Variants in CCSER1 observed in about 807,000 individuals in gnomAD.
The protein encoded by CCSER1 is coiled-coil serine rich protein 1.
A neutral mutation model predicts 82.0 loss-of-function variants in CCSER1; 41 were observed. The observed-to-expected ratio is 0.50, with a 90% CI of 0.39 to 0.65. CCSER1 has a LOEUF of 0.65. Ranked by LOEUF, CCSER1 falls within the 30% of genes least tolerant of loss-of-function variation. CCSER1 has a pLI of 0.00. For synonymous variants in CCSER1, 414 were observed against 383.9 expected (o/e 1.08, Z -0.92); for missense variants, 1,119 against 1,064.2 (o/e 1.05, Z -0.72).
chr4:90,208,346 C>T (rs1236776362), intron 1 of CCSER1, among the ~76,000 whole-genome samples: 2 of 152,130 alleles, frequency 1.3e-5, no homozygotes, highest in Non-Finnish European at 2.9e-5. Flanking sequence ...GGCAGATGCC[C>T]CTCCCCCAAC....
At chr4:91,545,723 T>A (rs1761856812) in intron 10 of CCSER1, among the ~76,000 whole-genome samples, 2 of 152,138 alleles carry the variant, frequency 1.3e-5, no homozygotes, top group African/African-American at 4.8e-5. Context: ...ATAATCATGT[T>A]ATCTGTGAAC....
intron 7 of CCSER1, among the ~76,000 whole-genome samples, chr4:90,806,231 C>T (rs1166963260): frequency 6.6e-6 from 1 of 152,054 alleles, no homozygotes; most frequent in Admixed American, 6.6e-5. Flanking sequence ...CTTCTTATGG[C>T]ATATAATAAA....
At chr4:91,135,237 G>A (rs1286751377) in intron 10 of CCSER1, among the ~76,000 whole-genome samples, 1 of 151,986 alleles carries the variant, frequency 6.6e-6, no homozygotes, top group Non-Finnish European at 1.5e-5. Context: ...AAAACTAATT[G>A]TAAAGAAATA....
chr4:91,069,555 G>C (rs1721209013), intron 9 of CCSER1, among the ~76,000 whole-genome samples: 1 of 152,144 alleles, frequency 6.6e-6, no homozygotes, highest in African/African-American at 2.4e-5. Context: ...AGTTTTACCA[G>C]ATGGACATAC....
chr4:91,517,736 GTTCT>G (rs1395784661), intron 10 of CCSER1, among the ~76,000 whole-genome samples: 1 of 142,156 alleles, frequency 7.0e-6, no homozygotes, highest in East Asian at 2.1e-4. Flanking sequence ...GGTTCTTTCA[GTTCT>G]TTCTCGTGTG....
chr4:90,697,535 A>C (rs1205643162), intron 6 of CCSER1, among the ~76,000 whole-genome samples: 1 of 152,016 alleles, frequency 6.6e-6, no homozygotes, highest in Non-Finnish European at 1.5e-5. Flanking sequence ...TTTAAAAAAA[A>C]ACAATTCTTA....
At chr4:90,990,498 TTTATCAGACTCTGC>T (rs1311741878) in intron 9 of CCSER1, among the ~76,000 whole-genome samples, 1 of 151,970 alleles carries the variant, frequency 6.6e-6, no homozygotes. Flanking sequence ...CTCTGGCTGC[TTTATCAGACTCTGC>T]TTATCAGACT....
chr4:90,912,146 C>T (rs920289020), intron 8 of CCSER1, among the ~76,000 whole-genome samples: 18 of 152,190 alleles, frequency 1.2e-4, no homozygotes, highest in Non-Finnish European at 2.1e-4. Context: ...TCTTCCAGCA[C>T]GGAGCTTGAG....
At chr4:91,142,045 T>C (rs544505071) in intron 10 of CCSER1, among the ~76,000 whole-genome samples, 1 of 152,308 alleles carries the variant, frequency 6.6e-6, no homozygotes, top group African/African-American at 2.4e-5. Flanking sequence ...TTTCTCCAAT[T>C]CTGCAGATTG....
chr4:91,465,536 A>G (rs11931943), intron 10 of CCSER1, among the ~76,000 whole-genome samples: 102,559 of 151,880 alleles, frequency 0.68, 34,929 homozygotes, highest in East Asian at 0.89. Flanking sequence ...GACACAAAAA[A>G]CCCTTCAAAA....
intron 10 of CCSER1, among the ~76,000 whole-genome samples, chr4:91,542,422 G>A (rs914556025): frequency 6.6e-6 from 1 of 152,042 alleles, no homozygotes; most frequent in Non-Finnish European, 1.5e-5. Context: ...GTAAGGAAGG[G>A]ATCCAGTTTC....
chr4:90,832,441 A>C (rs1761239966), intron 8 of CCSER1, among the ~76,000 whole-genome samples: 1 of 152,176 alleles, frequency 6.6e-6, no homozygotes, highest in African/African-American at 2.4e-5. Flanking sequence ...TACTTCTTAA[A>C]AAACTAAAGA....
chr4:91,080,805 C>A (rs1003759318), intron 9 of CCSER1, among the ~76,000 whole-genome samples: 2 of 152,000 alleles, frequency 1.3e-5, no homozygotes. Flanking sequence ...GCAAATAAAC[C>A]AGAAAATCTA....
chr4:91,278,203 T>C (rs1008623235), intron 10 of CCSER1, among the ~76,000 whole-genome samples: 3 of 152,102 alleles, frequency 2.0e-5, no homozygotes, highest in African/African-American at 7.2e-5. Flanking sequence ...TGGTCTAAAA[T>C]GCAGTTTAAA....
At chr4:91,270,391 T>C (rs1741928613) in intron 10 of CCSER1, among the ~76,000 whole-genome samples, 1 of 152,174 alleles carries the variant, frequency 6.6e-6, no homozygotes, top group Non-Finnish European at 1.5e-5. Flanking sequence ...GAATCTCTCT[T>C]TAGTAACCAC....
At chr4:91,093,482 G>T (rs1246529407) in intron 10 of CCSER1, among the ~76,000 whole-genome samples, 3 of 152,170 alleles carry the variant, frequency 2.0e-5, no homozygotes, top group Admixed American at 6.5e-5. Context: ...GTGTCCTTTG[G>T]TATTTGTTAA....
chr4:91,303,583 C>G (rs1744827974), intron 10 of CCSER1, among the ~76,000 whole-genome samples: 1 of 151,806 alleles, frequency 6.6e-6, no homozygotes, highest in African/African-American at 2.4e-5. Flanking sequence ...TCCAGGAGTT[C>G]AAGACCGGCC....
In CCSER1 at chr4:90,434,208, C is replaced by A. The variant is rs560921097; in HGVS notation, c.1604-34026C>A. On this transcript the variant is annotated intron_variant, in intron 4 of 10. Coordinates refer to ENST00000509176, the MANE Select transcript of CCSER1 (RefSeq NM_001145065.2). ...CTTTTTCATTTATTTCTCTTCATAT[C>A]CATTTTTTCCTTTTAAGTTAAGCAA... Among the ~76,000 whole-genome samples, 340 of 152,096 alleles carry A rather than the reference C, an allele frequency of 2.2e-3. 2 individuals are homozygous for A. Among genetic ancestry groups the A allele is most frequent in the African/African-American group, 8.0e-3 (331 of 41,504 alleles).
At chr4:90,780,392 C>A in intron 7 of CCSER1, 1 of 1,572,668 alleles carries the variant, frequency 6.4e-7, no homozygotes, top group Non-Finnish European at 8.7e-7. Context: ...AAGCAAAATG[C>A]TGAGTTGGTA....
Sources: allele counts gnomAD v4.1 joint callset (sites outside exome capture counted in the v4.1 genomes callset), GRCh38; gene constraint gnomAD v4.1.1; transcripts MANE v1.5; gene names NCBI Gene and HGNC (gene_info 2026-07-23, HGNC 2026-07-21).